Variants in ABTB2 observed in about 807,000 individuals in gnomAD.
The protein encoded by ABTB2 is ankyrin repeat and BTB domain containing 2, also known as ankyrin repeat and BTB/POZ domain-containing protein 2.
ABTB2 carries 56 observed loss-of-function variants against 104.1 expected under a neutral mutation model. The ratio of observed to expected loss-of-function variants is 0.54; its 90% CI spans 0.43 to 0.67. ABTB2 has a LOEUF of 0.67. Among genes scored for constraint, ABTB2 ranks in the 30% least tolerant of loss-of-function variants. The pLI is 0.00. For missense variants in ABTB2, 1,279 were observed against 1,407.7 expected, an observed-to-expected ratio of 0.91 and a Z score of 1.46; for synonymous variants, 606 against 608.2, an observed-to-expected ratio of 1.00 and a Z score of 0.05.
At chr11:34,348,015 C>T (rs1461100702) in intron 1 of ABTB2, among the ~76,000 whole-genome samples, 1 of 152,192 alleles carries the variant, frequency 6.6e-6, no homozygotes, top group Admixed American at 6.5e-5. Context: ...TCATTCTGTA[C>T]TGGGATTGCT....
At chr11:34,190,324 G>A (rs1352965435) in intron 3 of ABTB2, among the ~76,000 whole-genome samples, 1 of 150,724 alleles carries the variant, frequency 6.6e-6, no homozygotes, top group Non-Finnish European at 1.5e-5. Flanking sequence ...CATGCCTGAG[G>A]CCACCCAGCT....
intron 1 of ABTB2, among the ~76,000 whole-genome samples, chr11:34,213,596 A>T (rs1409690271): frequency 6.6e-6 from 1 of 152,218 alleles, no homozygotes; most frequent in Non-Finnish European, 1.5e-5. Flanking sequence ...ATCAGTTCTG[A>T]CACAGACCCA....
In ABTB2 at chr11:34,356,063, A is replaced by G. The variant is rs1005750517; in HGVS notation, c.883+638T>C. On this transcript the variant is annotated intron_variant, in intron 1 of 16. Transcript: ENST00000435224. This position sits in a 1 kb window ranked among gnomAD's most constrained non-coding sequence, Gnocchi z 4.6. ...ACAATCTGTGGTTACTTTTCTGGGA[A>G]GGGGAGTCGGGGTCCCCAGGTTTCA... is the stretch of plus-strand genomic sequence containing the variant. Among the ~76,000 whole-genome samples the G allele has an allele frequency of 2.0e-5, 3 of 152,182 alleles. No homozygotes were observed. Among genetic ancestry groups the G allele is most frequent in the Non-Finnish European group, 4.4e-5 (3 of 68,018 alleles).
chr11:34,210,898 C>A (rs955138178), intron 1 of ABTB2, among the ~76,000 whole-genome samples: 2 of 152,224 alleles, frequency 1.3e-5, no homozygotes, highest in South Asian at 4.1e-4. Context: ...TATACTGCCC[C>A]ACTGAACGGT....
intron 1 of ABTB2, among the ~76,000 whole-genome samples, chr11:34,241,078 T>TA (rs1427667031): frequency 3.3e-5 from 5 of 152,212 alleles, no homozygotes; most frequent in African/African-American, 1.2e-4. Context: ...CGAGTTGCAT[T>TA]AGGGCATGGT....
chr11:34,181,393 G>A (rs548434058), intron 3 of ABTB2, among the ~76,000 whole-genome samples: 3 of 152,282 alleles, frequency 2.0e-5, no homozygotes, highest in South Asian at 2.1e-4. Flanking sequence ...GTTCTTCCCC[G>A]GGGTAGGCAG....
At chr11:34,190,354 AT>A (rs1853158936) in intron 3 of ABTB2, among the ~76,000 whole-genome samples, 1 of 141,478 alleles carries the variant, frequency 7.1e-6, no homozygotes, top group African/African-American at 2.6e-5. Flanking sequence ...CAGGGCTGGG[AT>A]TGGAATCCAG....
At chr11:34,313,929 C>G (rs545210041) in intron 1 of ABTB2, among the ~76,000 whole-genome samples, 1 of 152,200 alleles carries the variant, frequency 6.6e-6, no homozygotes, top group Non-Finnish European at 1.5e-5. Context: ...ACGTTAAGGC[C>G]GAGTTCTCCT....
intron 3 of ABTB2, among the ~76,000 whole-genome samples, chr11:34,194,606 C>T (rs1423094709): frequency 2.6e-5 from 4 of 152,164 alleles, no homozygotes; most frequent in East Asian, 1.9e-4. Flanking sequence ...GTAAGCTCAG[C>T]GCTCCCAGGA....
At chr11:34,276,773 C>T (rs1854386570) in intron 1 of ABTB2, among the ~76,000 whole-genome samples, 1 of 152,160 alleles carries the variant, frequency 6.6e-6, no homozygotes, top group Non-Finnish European at 1.5e-5. Flanking sequence ...ATCCACTGTT[C>T]CTTGTTTAGC....
At chr11:34,315,527 A>G (rs1350225473) in intron 1 of ABTB2, among the ~76,000 whole-genome samples, 1 of 152,088 alleles carries the variant, frequency 6.6e-6, no homozygotes. Flanking sequence ...GAGGAATGGA[A>G]ACAATTAGAT....
chr11:34,356,989 C>T lies in ABTB2; in HGVS notation c.595G>A (p.Ala199Thr). Residue 199 changes from alanine (A) to threonine (T), a missense_variant, in exon 1 of 17, where the codon GCG becomes ACG. Coordinates refer to ENST00000435224, the MANE Select transcript of ABTB2 (RefSeq NM_145804.3). This position sits in a 1 kb window ranked among gnomAD's most constrained non-coding sequence, Gnocchi z 4.6. ...ACTGAGAAGGTGAGGCCGCAGCGCG[C>T]GGACTTGCCCCGGCGCAGCCCGTCG... ...AGDGLRRGKS[A>T]RCGLTFSVGR... 2 of 1,587,110 alleles carry T rather than the reference C, an allele frequency of 1.3e-6. No homozygotes were observed. Among genetic ancestry groups the T allele is most frequent in the East Asian group, 2.3e-5 (1 of 43,948 alleles).
intron 9 of ABTB2, among the ~76,000 whole-genome samples, chr11:34,164,332 A>G (rs1852766254): frequency 6.6e-6 from 1 of 151,792 alleles, no homozygotes; most frequent in Non-Finnish European, 1.5e-5. Flanking sequence ...TGGACGTCCA[A>G]GGCCACTTGG....
intron 1 of ABTB2, among the ~76,000 whole-genome samples, chr11:34,249,653 C>G (rs1017029735): frequency 1.3e-5 from 2 of 152,144 alleles, no homozygotes; most frequent in African/African-American, 4.8e-5. Context: ...TATGAAATGT[C>G]TTTTCTTTGT....
At position 34,164,814 on chromosome 11, in the gene ABTB2, A is replaced by T. The variant is rs1323295320; in HGVS notation, c.1860T>A (p.Tyr620Ter). 2 of 1,587,716 alleles carry T rather than the reference A, an allele frequency of 1.3e-6. No individual in the cohort carries two copies. The highest frequency in any genetic ancestry group is 2.7e-5 in the African/African-American group (2 of 72,752). ...PLQLASAAGN[Y>*]ELVSLLLSRG... ...GGCTCAGCAACAAACTGACCAGCTCATAGTTCCCTGAAAGAGAAGGTGGGC... is the reference window on the plus strand; with the variant it reads ...GGCTCAGCAACAAACTGACCAGCTCTTAGTTCCCTGAAAGAGAAGGTGGGC... The change falls in exon 9 of 17, where the codon TAT becomes TAA. Residue 620 changes from tyrosine (Y) to a stop codon, truncating the protein, a stop_gained. Transcript: ENST00000435224. LOFTEE classifies it high-confidence loss of function.
At chr11:34,297,042 A>C (rs1854631198) in intron 1 of ABTB2, among the ~76,000 whole-genome samples, 1 of 152,234 alleles carries the variant, frequency 6.6e-6, no homozygotes, top group Non-Finnish European at 1.5e-5. Context: ...GCTTTTATTT[A>C]TACATACAGT....
intron 1 of ABTB2, among the ~76,000 whole-genome samples, chr11:34,273,440 C>T (rs532173572): frequency 1.4e-4 from 21 of 152,280 alleles, no homozygotes; most frequent in African/African-American, 3.9e-4. Flanking sequence ...GCAGGGGATG[C>T]AGAAGGGATA....
At chr11:34,351,707 G>A (rs531866559) in intron 1 of ABTB2, among the ~76,000 whole-genome samples, 44 of 152,262 alleles carry the variant, frequency 2.9e-4, no homozygotes, top group Admixed American at 1.2e-3. Flanking sequence ...CACCATGAGA[G>A]GTACAGGGAA....
chr11:34,222,652 C>T (rs1853638956), intron 1 of ABTB2, among the ~76,000 whole-genome samples: 1 of 152,184 alleles, frequency 6.6e-6, no homozygotes, highest in Non-Finnish European at 1.5e-5. Flanking sequence ...AGATGCAGTG[C>T]CTGTGGATAA....
Sources: gnomAD v4.1 joint callset for allele counts (sites outside exome capture counted in the v4.1 genomes callset) on GRCh38, gnomAD v4.1.1 for gene constraint, Gnocchi (gnomAD v3.1) non-coding constraint, MANE v1.5 for transcripts, NCBI Gene and HGNC (gene_info 2026-07-23, HGNC 2026-07-21) for gene names.